The following RFX6 variants were observed in gnomAD, a reference collection of about 807,000 sequenced individuals.
The protein encoded by RFX6 is regulatory factor X6.
Under a neutral mutation model 110.8 loss-of-function variants are expected in RFX6, and 50 were observed. The observed-to-expected ratio is 0.45, with a 90% CI of 0.36 to 0.57. The LOEUF (loss-of-function observed/expected upper bound fraction) is 0.57, where lower values mean the gene tolerates loss of function less well. RFX6 is among the 20% of genes least tolerant of loss of function. The pLI is 0.00. For missense variants in RFX6, 990 were observed against 1,127.0 expected, an observed-to-expected ratio of 0.88 and a Z score of 1.74; for synonymous variants, 383 against 411.2, an observed-to-expected ratio of 0.93 and a Z score of 0.83.
chr6:116,925,927 A>G (rs1433963830), intron 16 of RFX6, among the ~76,000 whole-genome samples: 1 of 152,240 alleles, frequency 6.6e-6, no homozygotes, highest in Non-Finnish European at 1.5e-5. Context: ...AAATAATTAG[A>G]TGAGGTATAC....
intron 4 of RFX6, among the ~76,000 whole-genome samples, chr6:116,890,791 G>C (rs956253597): frequency 2.6e-5 from 4 of 152,052 alleles, no homozygotes; most frequent in Non-Finnish European, 4.4e-5. Flanking sequence ...GGTTTTTTGA[G>C]TATATATAAA....
intron 7 of RFX6, among the ~76,000 whole-genome samples, chr6:116,912,434 T>C (rs1025041901): frequency 1.3e-5 from 2 of 152,158 alleles, no homozygotes; most frequent in South Asian, 2.1e-4. Flanking sequence ...TCTCAAACTA[T>C]GTTCACTTCT....
chr6:116,925,697 C>G, intron 16 of RFX6, 38 bp downstream of exon 16: 1 of 1,417,492 alleles, frequency 7.1e-7, no homozygotes, highest in Non-Finnish European at 1.0e-6. Context: ...CAGCACATCT[C>G]AGAGAAGCCT....
At chr6:116,905,286 A>G (rs948184757) in intron 6 of RFX6, among the ~76,000 whole-genome samples, 8 of 152,150 alleles carry the variant, frequency 5.3e-5, no homozygotes, top group Non-Finnish European at 1.0e-4. Context: ...GCATTTCCCT[A>G]ATGATTGTAA....
At chr6:116,901,213 T>TA (rs916322589) in intron 6 of RFX6, among the ~76,000 whole-genome samples, 2 of 152,230 alleles carry the variant, frequency 1.3e-5, no homozygotes, top group Admixed American at 1.3e-4. Flanking sequence ...ATTTTTGACT[T>TA]ACAATATTTT....
chr6:116,917,338 G>GTTT (rs5879394), intron 9 of RFX6, among the ~76,000 whole-genome samples: 72 of 139,248 alleles, frequency 5.2e-4, no homozygotes, highest in African/African-American at 1.7e-3. Flanking sequence ...GGATTGTCTT[G>GTTT]TTTTTTTTTT....
intron 6 of RFX6, among the ~76,000 whole-genome samples, chr6:116,908,669 T>TACACACACACACACACACAG (rs1352551354): frequency 9.8e-6 from 1 of 102,296 alleles, no homozygotes; most frequent in African/African-American, 3.5e-5. Context: ...ATTTCTAGCA[T>TACACACACACACACACACAG]ACACACACAC....
At chr6:116,890,454 C>T (rs998618110) in intron 4 of RFX6, among the ~76,000 whole-genome samples, 3 of 152,102 alleles carry the variant, frequency 2.0e-5, no homozygotes, top group Non-Finnish European at 2.9e-5. Context: ...TTAACTCCTC[C>T]AGAGACTCTC....
chr6:116,902,807 A>G (rs1582521391), intron 6 of RFX6, among the ~76,000 whole-genome samples: 1 of 152,008 alleles, frequency 6.6e-6, no homozygotes, highest in Non-Finnish European at 1.5e-5. Context: ...CCTCCTTGGT[A>G]TATGCTTTTC....
intron 6 of RFX6, among the ~76,000 whole-genome samples, chr6:116,900,266 T>C (rs1230192037): frequency 6.6e-6 from 1 of 151,986 alleles, no homozygotes; most frequent in Non-Finnish European, 1.5e-5. Context: ...AATCTTTTCT[T>C]TTTTTTTGAG....
intron 6 of RFX6, among the ~76,000 whole-genome samples, chr6:116,900,814 C>G (rs1266733042): frequency 4.0e-5 from 6 of 151,860 alleles, no homozygotes; most frequent in African/African-American, 1.5e-4. Context: ...TATTAAAAGG[C>G]TCTTTTAATG....
At chr6:116,900,594 T>A (rs1283479807) in intron 6 of RFX6, among the ~76,000 whole-genome samples, 1 of 151,566 alleles carries the variant, frequency 6.6e-6, no homozygotes, top group Non-Finnish European at 1.5e-5. Context: ...CTATTTTTAT[T>A]TAAAAAAAAT....
chr6:116,910,899 TA>T (rs752872353), intron 6 of RFX6, 35 bp from the exon 7 acceptor site: 12 of 1,311,902 alleles, frequency 9.1e-6, no homozygotes, highest in Non-Finnish European at 1.3e-5. Context: ...ATATAGTTGA[TA>T]ATGATGTATT....
intron 4 of RFX6, among the ~76,000 whole-genome samples, chr6:116,892,824 T>A (rs540724378): frequency 6.6e-6 from 1 of 152,312 alleles, no homozygotes; most frequent in Non-Finnish European, 1.5e-5. Flanking sequence ...GGCTTCCATT[T>A]GTACTCCCGT....
intron 12 of RFX6, 47 bp downstream of exon 12, chr6:116,920,501 A>T: frequency 2.0e-6 from 3 of 1,532,576 alleles, no homozygotes; most frequent in Non-Finnish European, 2.7e-6. Flanking sequence ...AAGCTCAGAA[A>T]ATTGACATCT....
At chr6:116,916,379 T>A in intron 9 of RFX6, 65 bp downstream of exon 9, 1 of 956,296 alleles carries the variant, frequency 1.0e-6, no homozygotes, top group Non-Finnish European at 1.7e-6. Flanking sequence ...CTATCTAAAT[T>A]CTTGCAATAT....
chr6:116,920,519 G>A, intron 12 of RFX6, 65 bp downstream of exon 12: 1 of 1,397,288 alleles, frequency 7.2e-7, no homozygotes, highest in Non-Finnish European at 1.0e-6. Flanking sequence ...TCTTGAGCTG[G>A]GTAACTCTGT....
chr6:116,920,999 C>G (rs1775582902), intron 12 of RFX6, among the ~76,000 whole-genome samples: 1 of 152,148 alleles, frequency 6.6e-6, no homozygotes. Context: ...AAAGCAGACT[C>G]TCTACTCAGG....
intron 1 of RFX6, 120 bp downstream of exon 1, chr6:116,877,618 A>G (rs1033758674): frequency 9.3e-6 from 10 of 1,073,882 alleles, no homozygotes; most frequent in Non-Finnish European, 1.1e-5. Context: ...TTCTGTCCAA[A>G]TCTTTGTATT....
Sources: allele counts gnomAD v4.1 joint callset (sites outside exome capture counted in the v4.1 genomes callset), GRCh38; gene constraint gnomAD v4.1.1; transcripts MANE v1.5; gene names NCBI Gene and HGNC (gene_info 2026-07-23, HGNC 2026-07-21).